MCU: variants seen among roughly 807,000 people sequenced by gnomAD.
The protein encoded by MCU is calcium uniporter protein, mitochondrial.
A neutral mutation model predicts 45.2 loss-of-function variants in MCU; 12 were observed. That is an observed-to-expected ratio of 0.27 (90% CI 0.17 to 0.43). MCU has a LOEUF of 0.43. MCU is among the 20% of genes least tolerant of loss of function. MCU has a pLI of 1.00. For missense variants in MCU, 324 were observed against 436.7 expected (o/e 0.74, Z 2.30); for synonymous variants, 160 against 165.1 (o/e 0.97, Z 0.24).
intron 1 of MCU, among the ~76,000 whole-genome samples, chr10:72,810,638 GTT>G (rs1844528586): frequency 6.9e-6 from 1 of 144,146 alleles, no homozygotes; most frequent in Non-Finnish European, 1.5e-5. Context: ...CAGCTAGGTT[GTT>G]GTTGTTGTTG....
chr10:72,770,506 A>C (rs1010360753), intron 1 of MCU, among the ~76,000 whole-genome samples: 38 of 152,148 alleles, frequency 2.5e-4, no homozygotes, highest in Admixed American at 5.2e-4. Flanking sequence ...TATTATTATT[A>C]AATATTATAG....
chr10:72,840,957 C>G (rs1845039290), intron 2 of MCU, among the ~76,000 whole-genome samples: 1 of 152,116 alleles, frequency 6.6e-6, no homozygotes, highest in Non-Finnish European at 1.5e-5. Context: ...GACCTTTAAG[C>G]TTTATGTGCT....
chr10:72,841,307 A>G (rs1395954657), intron 2 of MCU, among the ~76,000 whole-genome samples: 1 of 152,098 alleles, frequency 6.6e-6, no homozygotes, highest in Non-Finnish European at 1.5e-5. Context: ...CAGAAAAAAA[A>G]AATTTTTTTT....
chr10:72,711,240 G>T (rs61864401), intron 1 of MCU, among the ~76,000 whole-genome samples: 6 of 143,552 alleles, frequency 4.2e-5, no homozygotes, highest in African/African-American at 1.3e-4. Flanking sequence ...TTTTTTTTTG[G>T]AATGGAGTCT....
chr10:72,787,637 T>C (rs1480113227), intron 1 of MCU, among the ~76,000 whole-genome samples: 1 of 152,218 alleles, frequency 6.6e-6, no homozygotes, highest in Non-Finnish European at 1.5e-5. Context: ...TCTATTTTTA[T>C]TATTGTGTCC....
intron 1 of MCU, among the ~76,000 whole-genome samples, chr10:72,699,472 A>G (rs1842729576): frequency 6.6e-6 from 1 of 151,862 alleles, no homozygotes. Context: ...ATGCCACTGC[A>G]CTCCAGCCTG....
rs1845787269 is a variant in MCU, at chr10:72,887,154, C to A, written c.*1332C>A. On this transcript the variant is annotated 3_prime_UTR_variant, in exon 8 of 8. Coordinates refer to ENST00000373053, the MANE Select transcript of MCU (RefSeq NM_138357.3). ...CTGCCACACCACTGATTGGCCTTTTCTTTCACGTGATTCATCCTTCCTCAT... is the reference window on the plus strand; with the variant it reads ...CTGCCACACCACTGATTGGCCTTTTATTTCACGTGATTCATCCTTCCTCAT... The A allele has an allele frequency of 6.6e-6, 1 of 152,562 alleles. No homozygotes were observed. Among genetic ancestry groups the A allele is most frequent in the Admixed American group, 6.5e-5 (1 of 15,272 alleles). The allele number at this position is 152,562 out of a possible 1,614,324, so 9.5% of individuals were successfully genotyped here. A position where few individuals can be genotyped will look rare whatever the true frequency, so the allele number is the denominator to read the frequency against.
At chr10:72,866,932 A>G (rs777442333) in intron 4 of MCU, among the ~76,000 whole-genome samples, 8 of 151,604 alleles carry the variant, frequency 5.3e-5, no homozygotes, top group Non-Finnish European at 7.4e-5. Context: ...ATTTAAAGCT[A>G]TATGCAAATG....
At chr10:72,842,449 C>A (rs983698704) in intron 2 of MCU, among the ~76,000 whole-genome samples, 1 of 152,160 alleles carries the variant, frequency 6.6e-6, no homozygotes, top group African/African-American at 2.4e-5. Context: ...AGCTGTGATT[C>A]TATTTGTTAC....
intron 1 of MCU, among the ~76,000 whole-genome samples, chr10:72,796,434 T>TAAC (rs1366045682): frequency 6.6e-6 from 1 of 152,044 alleles, no homozygotes; most frequent in African/African-American, 2.4e-5. Context: ...AAAACCACAA[T>TAAC]AACAACAACA....
intron 6 of MCU, among the ~76,000 whole-genome samples, chr10:72,882,480 T>G (rs554594533): frequency 4.7e-4 from 71 of 152,270 alleles, no homozygotes; most frequent in Admixed American, 5.9e-4. Context: ...ACCCCTGAGG[T>G]TGGGTCTCTA....
intron 6 of MCU, among the ~76,000 whole-genome samples, chr10:72,880,478 C>CT (rs1564583162): frequency 7.2e-6 from 1 of 139,024 alleles, no homozygotes; most frequent in African/African-American, 2.5e-5. Context: ...GAAGGCAAAG[C>CT]GGGGGGGGGG....
At chr10:72,714,530 A>G (rs1842935458) in intron 1 of MCU, among the ~76,000 whole-genome samples, 1 of 150,960 alleles carries the variant, frequency 6.6e-6, no homozygotes, top group South Asian at 2.1e-4. Context: ...TTATCATGTG[A>G]TTGTCAAATA....
At chr10:72,833,388 C>A (rs1844908134) in intron 1 of MCU, among the ~76,000 whole-genome samples, 1 of 152,200 alleles carries the variant, frequency 6.6e-6, no homozygotes, top group Non-Finnish European at 1.5e-5. Context: ...GTCAGTCTTA[C>A]ATTTCTGCAT....
At chr10:72,830,774 C>A (rs1439708156) in intron 1 of MCU, among the ~76,000 whole-genome samples, 1 of 152,132 alleles carries the variant, frequency 6.6e-6, no homozygotes, top group South Asian at 2.1e-4. Context: ...GTTGCCAGAT[C>A]CAGTGAAGGT....
At chr10:72,831,094 C>G (rs1227299562) in intron 1 of MCU, among the ~76,000 whole-genome samples, 1 of 152,074 alleles carries the variant, frequency 6.6e-6, no homozygotes, top group Admixed American at 6.5e-5. Flanking sequence ...TGATCTATAG[C>G]ATTAAGACTA....
chr10:72,779,507 G>T (rs1466410546), intron 1 of MCU, among the ~76,000 whole-genome samples: 1 of 152,078 alleles, frequency 6.6e-6, no homozygotes, highest in African/African-American at 2.4e-5. Context: ...CCACTAAATG[G>T]GAGAAGATAT....
At chr10:72,711,441 G>A (rs949943102) in intron 1 of MCU, among the ~76,000 whole-genome samples, 1 of 151,054 alleles carries the variant, frequency 6.6e-6, no homozygotes, top group Admixed American at 6.6e-5. Context: ...GGCTAGTCTT[G>A]AACTCCTGAC....
At chr10:72,799,064 C>T (rs1283321155) in intron 1 of MCU, among the ~76,000 whole-genome samples, 1 of 151,858 alleles carries the variant, frequency 6.6e-6, no homozygotes, top group Non-Finnish European at 1.5e-5. Flanking sequence ...GAAGCTGGGA[C>T]TATAGGCGCC....
Sources: allele counts gnomAD v4.1 joint callset (sites outside exome capture counted in the v4.1 genomes callset), GRCh38; gene constraint gnomAD v4.1.1; transcripts MANE v1.5; gene names NCBI Gene and HGNC (gene_info 2026-07-23, HGNC 2026-07-21).